The following SLC25A20 variants were observed in gnomAD, a reference collection of about 807,000 sequenced individuals.
SLC25A20 encodes mitochondrial carnitine/acylcarnitine carrier protein.
SLC25A20 carries 29 observed loss-of-function variants against 39.7 expected under a neutral mutation model. The ratio of observed to expected loss-of-function variants is 0.73; its 90% CI spans 0.54 to 1.00. The LOEUF (loss-of-function observed/expected upper bound fraction) is 1.00. SLC25A20 is among the 50% of genes least tolerant of loss of function. The probability of loss-of-function intolerance (pLI) is 0.00; values close to 1 mark genes in which losing one functional copy is unlikely to be tolerated. For missense variants in SLC25A20, 333 were observed against 379.9 expected (o/e 0.88, Z 1.03); for synonymous variants, 103 against 142.2 (o/e 0.72, Z 1.96).
Position 48,892,001 on chromosome 3 carries a change from G to T in SLC25A20, c.177C>A (p.Phe59Leu). The T allele has an allele frequency of 6.2e-7, 1 of 1,613,878 alleles. No homozygotes were observed. Among genetic ancestry groups the T allele is most frequent in the Non-Finnish European group, 8.5e-7 (1 of 1,179,824 alleles). The change falls in exon 2 of 9, where the codon TTC (phenylalanine) becomes TTA (leucine). Residue 59 changes from phenylalanine (F) to leucine (L), a missense_variant. Physicochemically the swap from Phe to Leu is conservative, Grantham distance 22. Coordinates refer to ENST00000319017, the MANE Select transcript of SLC25A20 (RefSeq NM_000387.6). ...CAACCTCTCTAAAAAGAGTCTTCCG[G>T]AAACAGTCAAAGGTCCCAGAGTACA... The part of the protein sequence containing the change: ...PPMYSGTFDC[F>L]RKTLFREGIT...
At chr3:48,875,186 C>A (rs559553929) in intron 4 of SLC25A20, among the ~76,000 whole-genome samples, 1 of 151,864 alleles carries the variant, frequency 6.6e-6, no homozygotes, top group East Asian at 1.9e-4. Context: ...TCACTGCAAC[C>A]TTCACCTCCC....
At chr3:48,882,658 G>C (rs2083802517) in intron 3 of SLC25A20, among the ~76,000 whole-genome samples, 1 of 152,202 alleles carries the variant, frequency 6.6e-6, no homozygotes, top group East Asian at 1.9e-4. Flanking sequence ...AGGAGTTCAA[G>C]ACCAGCCTGG....
chr3:48,885,923 G>A (rs1381479923), intron 2 of SLC25A20, among the ~76,000 whole-genome samples: 3 of 152,012 alleles, frequency 2.0e-5, no homozygotes, highest in Admixed American at 6.6e-5. Flanking sequence ...GAGCATTTAG[G>A]GTACAGAATG....
intron 4 of SLC25A20, among the ~76,000 whole-genome samples, chr3:48,866,685 G>A (rs1214027859): frequency 2.4e-4 from 2 of 8,420 alleles, no homozygotes; most frequent in African/African-American, 4.7e-3. Flanking sequence ...TTTGAGACAG[G>A]TTCCCGATGA....
chr3:48,884,592 C>T (rs978942549), intron 2 of SLC25A20, among the ~76,000 whole-genome samples: 2 of 152,130 alleles, frequency 1.3e-5, no homozygotes, highest in Admixed American at 1.3e-4. Flanking sequence ...TCAAGTGATC[C>T]TCCTGCCTTG....
intron 2 of SLC25A20, among the ~76,000 whole-genome samples, chr3:48,886,262 T>C (rs908180800): frequency 9.2e-5 from 14 of 152,142 alleles, no homozygotes; most frequent in Non-Finnish European, 4.4e-5. Flanking sequence ...CGGTGGCTCA[T>C]GCCTGTAATC....
rs763077269 is a variant in SLC25A20 at position 48,898,639 on chromosome 3, C to G, written c.105+51G>C. The G allele has an allele frequency of 4.0e-6, 6 of 1,516,698 alleles. No homozygotes were observed. In the South Asian group the frequency reaches 7.2e-5, roughly 18 times the overall value. The allele number at this position is 1,516,698 out of a possible 1,614,324, so 94.0% of individuals were successfully genotyped here. A position where few individuals can be genotyped will look rare whatever the true frequency, so the allele number is the denominator to read the frequency against. On this transcript the variant is annotated intron_variant, in intron 1 of 8. Transcript: ENST00000319017. ...GCGCCTCGCGGGGGACCATGCTTTC[C>G]GCGCCCCGCCCGGGCCTCCTCCCCA... is the stretch of plus-strand genomic sequence containing the variant.
intron 4 of SLC25A20, 28 bp from the exon 5 acceptor site, chr3:48,862,687 C>T (rs767011439): frequency 6.9e-7 from 1 of 1,457,738 alleles, no homozygotes; most frequent in Admixed American, 1.7e-5. Context: ...ATCATTAAGT[C>T]AGAAACATCA....
chr3:48,867,426 TGTA>T (rs769129184), intron 4 of SLC25A20, among the ~76,000 whole-genome samples: 14 of 144,766 alleles, frequency 9.7e-5, no homozygotes, highest in Non-Finnish European at 1.1e-4. Context: ...TTTTTTTTTT[TGTA>T]TTTTTAGTAG....
At chr3:48,883,869 C>A in intron 3 of SLC25A20, 128 bp downstream of exon 3, 1 of 1,127,276 alleles carries the variant, frequency 8.9e-7, no homozygotes, top group Non-Finnish European at 1.3e-6. Flanking sequence ...GGTGATCCAC[C>A]CGCCTCAGTC....
chr3:48,867,009 G>T (rs1426239533), intron 4 of SLC25A20, among the ~76,000 whole-genome samples: 7 of 151,910 alleles, frequency 4.6e-5, no homozygotes, highest in African/African-American at 1.7e-4. Context: ...TGGCCAGGCT[G>T]GTCTTGAACT....
intron 4 of SLC25A20, among the ~76,000 whole-genome samples, chr3:48,876,605 T>C (rs144069633): frequency 0.016 from 2,404 of 151,280 alleles, 65 homozygotes; most frequent in African/African-American, 0.054. Context: ...TTTGTATTTT[T>C]AGTAGAGACG....
At chr3:48,895,494 C>G (rs2083904410) in intron 1 of SLC25A20, among the ~76,000 whole-genome samples, 1 of 152,218 alleles carries the variant, frequency 6.6e-6, no homozygotes, top group African/African-American at 2.4e-5. Flanking sequence ...CTCAAGGTTG[C>G]TATTATACTA....
chr3:48,860,712 C>A (rs2083619840), intron 5 of SLC25A20, among the ~76,000 whole-genome samples: 1 of 151,540 alleles, frequency 6.6e-6, no homozygotes, highest in Admixed American at 6.6e-5. Context: ...CACTCGAACC[C>A]AGAAGGTGGA....
At chr3:48,872,638 C>T (rs1055092383) in intron 4 of SLC25A20, among the ~76,000 whole-genome samples, 1 of 148,908 alleles carries the variant, frequency 6.7e-6, no homozygotes, top group African/African-American at 2.5e-5. Flanking sequence ...AATGCTTGAG[C>T]CCAGGAGTTC....
At chr3:48,892,660 A>G (rs2083885692) in intron 1 of SLC25A20, among the ~76,000 whole-genome samples, 1 of 152,188 alleles carries the variant, frequency 6.6e-6, no homozygotes. Flanking sequence ...AGGAAGTGTC[A>G]GTCAGCCTTT....
intron 3 of SLC25A20, among the ~76,000 whole-genome samples, chr3:48,882,719 T>C (rs984567661): frequency 6.6e-6 from 1 of 151,976 alleles, no homozygotes; most frequent in Non-Finnish European, 1.5e-5. Context: ...ACACCGACCA[T>C]TGCTAAAAAA....
intron 4 of SLC25A20, 68 bp from the exon 5 acceptor site, chr3:48,862,727 C>A: frequency 9.8e-7 from 1 of 1,017,300 alleles, no homozygotes; most frequent in Non-Finnish European, 1.6e-6. Context: ...TTACAGGAGA[C>A]TACAAAGTAA....
At chr3:48,858,819 G>A (rs1223370265) in intron 7 of SLC25A20, among the ~76,000 whole-genome samples, 188 bp from the exon 8 acceptor site, 1 of 152,178 alleles carries the variant, frequency 6.6e-6, no homozygotes, top group African/African-American at 2.4e-5. Flanking sequence ...GAATAGAAAC[G>A]AGGGAAGAAG....
Sources: allele counts gnomAD v4.1 joint callset (sites outside exome capture counted in the v4.1 genomes callset), GRCh38; gene constraint gnomAD v4.1.1; transcripts MANE v1.5; gene names NCBI Gene and HGNC (gene_info 2026-07-23, HGNC 2026-07-21).